Variants in FBXL17 observed in about 807,000 individuals in gnomAD.
FBXL17 encodes F-box and leucine rich repeat protein 17.
Under a neutral mutation model 66.2 loss-of-function variants are expected in FBXL17, and 22 were observed. The observed-to-expected ratio is 0.33, with a 90% CI of 0.24 to 0.47. FBXL17 has a LOEUF of 0.47. FBXL17 is among the 20% of genes least tolerant of loss of function. FBXL17 has a pLI of 1.00. For missense variants in FBXL17, 878 were observed against 948.2 expected, an observed-to-expected ratio of 0.93 and a Z score of 0.97; for synonymous variants, 474 against 400.5, an observed-to-expected ratio of 1.18 and a Z score of -2.19.
chr5:108,161,178 A>G (rs1012049926), intron 6 of FBXL17, among the ~76,000 whole-genome samples: 5 of 152,024 alleles, frequency 3.3e-5, no homozygotes, highest in Non-Finnish European at 7.4e-5. Flanking sequence ...ACATACATAC[A>G]TACATACATA....
chr5:107,970,652 T>C (rs1272026271), intron 7 of FBXL17, among the ~76,000 whole-genome samples: 1 of 152,208 alleles, frequency 6.6e-6, no homozygotes, highest in Non-Finnish European at 1.5e-5. Context: ...AGGCTGATCA[T>C]GGCCAAAGTC....
chr5:108,322,388 A>T (rs1015279138), intron 4 of FBXL17, among the ~76,000 whole-genome samples: 1 of 151,980 alleles, frequency 6.6e-6, no homozygotes, highest in Non-Finnish European at 1.5e-5. Flanking sequence ...TGAACCAATT[A>T]TGAAAGACCT....
chr5:108,224,908 G>T (rs1440030205), intron 4 of FBXL17, among the ~76,000 whole-genome samples: 1 of 152,058 alleles, frequency 6.6e-6, no homozygotes, highest in Non-Finnish European at 1.5e-5. Flanking sequence ...GATTACAGGG[G>T]TAAGCAATCA....
At position 108,209,425 on chromosome 5, in the gene FBXL17, A is replaced by G. The variant is rs1754269420; in HGVS notation, c.1614+14696T>C. Among the ~76,000 whole-genome samples, 12 of 152,202 alleles carry G rather than the reference A, an allele frequency of 7.9e-5. No homozygotes were observed. The South Asian group carries it at 2.5e-3, about 32-fold the overall frequency. ...GAATGCTTCCACTTTTTGCCCATTC[A>G]GTATGATACTCACTGTGGGTTTGTC... On this transcript the variant is annotated intron_variant, in intron 5 of 8. Transcript: ENST00000542267.
intron 7 of FBXL17, among the ~76,000 whole-genome samples, chr5:107,970,693 T>C (rs906107654): frequency 1.3e-5 from 2 of 152,184 alleles, no homozygotes; most frequent in Admixed American, 6.5e-5. Context: ...CTTTGAAACG[T>C]TGGCCATTTA....
chr5:108,376,538 T>C (rs1375159985), intron 1 of FBXL17, among the ~76,000 whole-genome samples: 1 of 152,228 alleles, frequency 6.6e-6, no homozygotes, highest in Non-Finnish European at 1.5e-5. Context: ...TATTGAGATT[T>C]CCAATTTGTT....
chr5:108,223,050 A>T (rs1357496003), intron 5 of FBXL17, among the ~76,000 whole-genome samples: 1 of 152,100 alleles, frequency 6.6e-6, no homozygotes, highest in Admixed American at 6.5e-5. Context: ...AGTACCTTAT[A>T]TATATTACCT....
At chr5:108,253,072 A>G (rs1001626359) in intron 4 of FBXL17, among the ~76,000 whole-genome samples, 5 of 152,184 alleles carry the variant, frequency 3.3e-5, no homozygotes, top group African/African-American at 1.2e-4. Context: ...GCAGATTACC[A>G]TATCAATAAA....
chr5:108,131,422 T>C (rs1015187317), intron 6 of FBXL17, among the ~76,000 whole-genome samples: 3 of 152,126 alleles, frequency 2.0e-5, no homozygotes, highest in African/African-American at 7.2e-5. Context: ...CTATAAACGA[T>C]TTAAAATTGC....
At chr5:108,252,670 A>G (rs899182928) in intron 4 of FBXL17, among the ~76,000 whole-genome samples, 4 of 152,138 alleles carry the variant, frequency 2.6e-5, no homozygotes, top group Non-Finnish European at 5.9e-5. Context: ...CTACACATAG[A>G]AAGATACATG....
intron 6 of FBXL17, among the ~76,000 whole-genome samples, chr5:108,129,971 A>G (rs1387735247): frequency 6.6e-6 from 1 of 151,812 alleles, no homozygotes; most frequent in Non-Finnish European, 1.5e-5. Context: ...ACAAGTTCCG[A>G]TAAGTCTCTA....
chr5:108,309,316 G>GA (rs1249939355), intron 4 of FBXL17, among the ~76,000 whole-genome samples: 3 of 151,844 alleles, frequency 2.0e-5, no homozygotes, highest in Non-Finnish European at 2.9e-5. Context: ...AGTCTGAAAT[G>GA]AAATTGACCA....
chr5:108,251,064 A>G (rs926137329), intron 4 of FBXL17, among the ~76,000 whole-genome samples: 5 of 152,076 alleles, frequency 3.3e-5, no homozygotes, highest in African/African-American at 1.2e-4. Context: ...CCTTGTAGAT[A>G]TATTTTGAAA....
chr5:107,866,230 C>T (rs1748267296), intron 8 of FBXL17, among the ~76,000 whole-genome samples: 1 of 152,032 alleles, frequency 6.6e-6, no homozygotes, highest in Non-Finnish European at 1.5e-5. Context: ...ATATGCCGCA[C>T]TGTCATTGGA....
At chr5:107,984,732 G>A (rs994670701) in intron 7 of FBXL17, among the ~76,000 whole-genome samples, 1 of 152,134 alleles carries the variant, frequency 6.6e-6, no homozygotes, top group Non-Finnish European at 1.5e-5. Flanking sequence ...AAAATAATTT[G>A]TTATGCTTTT....
chr5:108,328,484 T>C (rs4585429), intron 4 of FBXL17, among the ~76,000 whole-genome samples: 2,451 of 152,120 alleles, frequency 0.016, 63 homozygotes, highest in African/African-American at 0.054. Context: ...TTTATGGCTA[T>C]TGTTTGTGAT....
chr5:108,185,397 A>G (rs1452208642), intron 6 of FBXL17, among the ~76,000 whole-genome samples: 1 of 151,474 alleles, frequency 6.6e-6, no homozygotes, highest in African/African-American at 2.4e-5. Flanking sequence ...CTCCCACTTC[A>G]CTCTTTTCCT....
At chr5:108,250,911 G>A (rs1462755728) in intron 4 of FBXL17, among the ~76,000 whole-genome samples, 1 of 152,000 alleles carries the variant, frequency 6.6e-6, no homozygotes, top group Admixed American at 6.6e-5. Flanking sequence ...AGCATGCATA[G>A]ATCTCATTTA....
At position 108,063,113 on chromosome 5, in the gene FBXL17, G is replaced by A. The variant is rs539073730; in HGVS notation, c.1746-42112C>T. On this transcript the variant is annotated intron_variant, in intron 6 of 8. Transcript: ENST00000542267. Reference sequence around the variant, plus strand: ...CAAGAAGTAGTTTATACCCAAGCATGTGTTTTTCTTTTTTAAGTTCATTTT... The same window carrying A: ...CAAGAAGTAGTTTATACCCAAGCATATGTTTTTCTTTTTTAAGTTCATTTT... Among the ~76,000 whole-genome samples, 12 of 152,170 alleles carry A rather than the reference G, an allele frequency of 7.9e-5. No individual in the cohort carries two copies. The East Asian group carries it at 2.3e-3, about 29-fold the overall frequency.
Sources: allele counts gnomAD v4.1 joint callset (sites outside exome capture counted in the v4.1 genomes callset), GRCh38; gene constraint gnomAD v4.1.1; transcripts MANE v1.5; gene names NCBI Gene and HGNC (gene_info 2026-07-23, HGNC 2026-07-21).